Variants in PRDM11 observed in about 807,000 individuals in gnomAD.
The protein encoded by PRDM11 is PR/SET domain 11, also known as PR domain-containing protein 11.
A neutral mutation model predicts 97.8 loss-of-function variants in PRDM11; 20 were observed. That is an observed-to-expected ratio of 0.20 (90% CI 0.14 to 0.30). The LOEUF (loss-of-function observed/expected upper bound fraction) is 0.30, where lower values mean the gene tolerates loss of function less well. PRDM11 is among the 10% of genes least tolerant of loss of function. The pLI, the probability that PRDM11 is intolerant of heterozygous loss-of-function variation, is 1.00. For synonymous variants in PRDM11, 599 were observed against 637.7 expected (o/e 0.94, Z 0.91); for missense variants, 1,139 against 1,555.2 (o/e 0.73, Z 4.50).
At chr11:45,145,800 C>T (rs774005303), upstream of PRDM11, among the ~76,000 whole-genome samples, 3 of 152,186 alleles carry the variant, frequency 2.0e-5, no homozygotes, top group Non-Finnish European at 4.4e-5. Context: ...CCCATCGCAA[C>T]CTGTCAGTTT....
At chr11:45,116,541 C>G (rs575227210) in intron 1 of PRDM11, among the ~76,000 whole-genome samples, 2 of 152,224 alleles carry the variant, frequency 1.3e-5, no homozygotes, top group Admixed American at 1.3e-4. Flanking sequence ...TAAATAACTC[C>G]TTGGTGAAAG....
Position 45,204,733 on chromosome 11 carries a change from A to T in PRDM11, c.509A>T (p.Tyr170Phe), listed in dbSNP as rs765641577. Residue 170 changes from tyrosine to phenylalanine, a missense_variant, in exon 5 of 8, where the codon TAT becomes TTT. Transcript: ENST00000683152. Reference sequence around the variant, plus strand: ...CAGATTGTGGACAAGAACAACCGCTATAAGTCCATAGATGGCTCAGACGAG... The same window carrying T: ...CAGATTGTGGACAAGAACAACCGCTTTAAGTCCATAGATGGCTCAGACGAG... The part of the protein sequence containing the change: ...SWLIVDKNNR[Y>F]KSIDGSDETK... 1 of 1,612,792 alleles carries T rather than the reference A, an allele frequency of 6.2e-7. No homozygotes were observed. The highest frequency in any genetic ancestry group is 1.1e-5 in the South Asian group (1 of 91,066).
chr11:45,212,723 G>A (rs751992414), intron 5 of PRDM11: 60 of 456,156 alleles, frequency 1.3e-4, no homozygotes, highest in Admixed American at 1.9e-4. Context: ...GCTCCTCCAC[G>A]TCCATGCCCA....
At chr11:45,112,508 C>T (rs1251218517) in intron 1 of PRDM11, among the ~76,000 whole-genome samples, 1 of 152,326 alleles carries the variant, frequency 6.6e-6, no homozygotes, top group Non-Finnish European at 1.5e-5. Flanking sequence ...TTTAAGGAAT[C>T]TCCATACTGT....
At chr11:45,166,024 A>G (rs1852055823) in intron 1 of PRDM11, among the ~76,000 whole-genome samples, 1 of 152,228 alleles carries the variant, frequency 6.6e-6, no homozygotes, top group Admixed American at 6.5e-5. Flanking sequence ...CTCCATTCCT[A>G]TCTGAAAAAC....
At chr11:45,118,666 T>C (rs1420354723) in intron 1 of PRDM11, among the ~76,000 whole-genome samples, 1 of 152,244 alleles carries the variant, frequency 6.6e-6, no homozygotes, top group Non-Finnish European at 1.5e-5. Flanking sequence ...ATTCAGCAAA[T>C]TAGCAGTAGA....
At chr11:45,119,455 G>C (rs1852376319) in intron 1 of PRDM11, among the ~76,000 whole-genome samples, 1 of 151,792 alleles carries the variant, frequency 6.6e-6, no homozygotes, top group South Asian at 2.1e-4. Context: ...GTGAAACCCT[G>C]TCTCTACTAT....
At chr11:45,129,374 A>C (rs927448206) in intron 1 of PRDM11, among the ~76,000 whole-genome samples, 4 of 152,222 alleles carry the variant, frequency 2.6e-5, no homozygotes, top group African/African-American at 9.6e-5. Context: ...GCTCACATAC[A>C]TGGTGATGTA....
rs1047638809 is a variant in PRDM11, at chr11:45,227,558, G to A, written c.2933G>A (p.Arg978His). Residue 978 changes from arginine (R) to histidine (H), a missense_variant, in exon 8 of 8, where the codon CGC (arginine) becomes CAC (histidine). Physicochemically the swap from Arg to His is conservative, Grantham distance 29. Transcript: ENST00000683152. The surrounding 1 kb of genome is among the most constrained non-coding windows in gnomAD (Gnocchi z 8.0). ...ATCCTGGCTCAGAGGTTCGACTCCC[G>A]CAGCCGGATCTTTGTGAAGGCCTGC... The part of the protein sequence containing the change: ...QVILAQRFDS[R>H]SRIFVKACQV... 111 of 1,533,786 alleles carry A rather than the reference G, an allele frequency of 7.2e-5. No individual in the cohort carries two copies. Among genetic ancestry groups the A allele is most frequent in the East Asian group, 9.8e-5 (4 of 40,902 alleles).
chr11:45,225,141 C>A, intron 7 of PRDM11: 1 of 1,386,892 alleles, frequency 7.2e-7, no homozygotes, highest in South Asian at 1.7e-5. Context: ...GTACTGGTGT[C>A]TTACCCCAAA....
intron 1 of PRDM11, among the ~76,000 whole-genome samples, chr11:45,148,427 C>A (rs780070995): frequency 2.0e-5 from 3 of 152,154 alleles, no homozygotes; most frequent in Non-Finnish European, 2.9e-5. Flanking sequence ...AGTGTTCTCC[C>A]CCAGAATCAC....
At chr11:45,171,832 G>T (rs1852208259) in intron 1 of PRDM11, among the ~76,000 whole-genome samples, 1 of 152,234 alleles carries the variant, frequency 6.6e-6, no homozygotes, top group South Asian at 2.1e-4. Flanking sequence ...AACCGTGTCA[G>T]TTACAGTTTC....
rs899870695 is a variant in PRDM11, at chr11:45,204,765, G to A, written c.541G>A (p.Ala181Thr). The change falls in exon 5 of 8, where the codon GCC becomes ACC. Residue 181 changes from alanine to threonine, a missense_variant. Around this residue, in one of 2 missense-constraint regions of PRDM11, gnomAD observed 429 missense variants for 510.3 expected, o/e 0.84. Transcript: ENST00000683152. Reference protein sequence around the residue: ...KSIDGSDETKANWMRYVVISR... With the variant: ...KSIDGSDETKTNWMRYVVISR... ...CATAGATGGCTCAGACGAGACCAAA[G>A]CCAACTGGATGAGGTGAGCCCTGCT... 2 of 1,611,760 alleles carry A rather than the reference G, an allele frequency of 1.2e-6. No homozygotes were observed. The highest frequency in any genetic ancestry group is 1.3e-5 in the African/African-American group (1 of 74,968).
rs1286795448 is a variant in PRDM11 at position 45,226,202 on chromosome 11, A to T, written c.1577A>T (p.Glu526Val). ...CTGCGGTACTCCCCAACCCTCAATG[A>T]GATGTGGTGCCACGTCTGCCGCCAG... ...WFLRYSPTLNEMWCHVCRQYT... is the reference protein window; with the variant it reads ...WFLRYSPTLNVMWCHVCRQYT... The change falls in exon 8 of 8, where the codon GAG becomes GTG. Residue 526 changes from glutamate (E) to valine (V), a missense_variant. By Grantham distance (121) the Glu-to-Val change is moderately radical (BLOSUM62 -2). Transcript: ENST00000683152. 1 of 1,533,606 alleles carries T rather than the reference A, an allele frequency of 6.5e-7. No individual in the cohort carries two copies. The highest frequency in any genetic ancestry group is 2.4e-5 in the East Asian group (1 of 40,902). 95.0% of individuals were successfully genotyped at this position (1,533,606 alleles called of 1,614,324 possible).
At chr11:45,101,555 C>CAAAAAAAAA (rs1172482163) in intron 1 of PRDM11, among the ~76,000 whole-genome samples, 27 of 61,656 alleles carry the variant, frequency 4.4e-4, no homozygotes, top group South Asian at 9.7e-4. Context: ...CACTCTGTCT[C>CAAAAAAAAA]AAAAAAAAAA....
chr11:45,213,627 A>G (rs977435056), intron 5 of PRDM11: 3 of 456,218 alleles, frequency 6.6e-6, no homozygotes, highest in African/African-American at 6.0e-5. Context: ...CGGAGGAAGG[A>G]AAAGACTGTC....
At chr11:45,164,971 A>T (rs897921542) in intron 1 of PRDM11, among the ~76,000 whole-genome samples, 1 of 152,136 alleles carries the variant, frequency 6.6e-6, no homozygotes, top group Non-Finnish European at 1.5e-5. Flanking sequence ...GGTTGGAGTA[A>T]CAGTTATTTA....
chr11:45,194,794 T>A (rs1853055315), intron 4 of PRDM11, among the ~76,000 whole-genome samples: 2 of 151,274 alleles, frequency 1.3e-5, no homozygotes, highest in South Asian at 4.2e-4. Flanking sequence ...GAGACGGGGT[T>A]TCACCGTTTT....
At chr11:45,107,186 G>A (rs889702232) in intron 1 of PRDM11, among the ~76,000 whole-genome samples, 2 of 152,196 alleles carry the variant, frequency 1.3e-5, no homozygotes, top group Non-Finnish European at 2.9e-5. Context: ...CAGGCAGCCA[G>A]GACAGGTGAC....
Sources: gnomAD v4.1 joint callset for allele counts (sites outside exome capture counted in the v4.1 genomes callset) on GRCh38, gnomAD v4.1.1 for gene constraint, gnomAD v4.1.1 regional missense constraint, Gnocchi (gnomAD v3.1) non-coding constraint, MANE v1.5 for transcripts, NCBI Gene and HGNC (gene_info 2026-07-23, HGNC 2026-07-21) for gene names.